Variants in ZNF236 observed in about 807,000 individuals in gnomAD.
ZNF236 encodes regulated by glucose.
Under a neutral mutation model 191.2 loss-of-function variants are expected in ZNF236, and 50 were observed. The observed-to-expected ratio is 0.26, with a 90% CI of 0.21 to 0.33. The LOEUF (loss-of-function observed/expected upper bound fraction) is 0.33. Ranked by LOEUF, ZNF236 falls within the 10% of genes least tolerant of loss-of-function variation. The pLI is 1.00. For missense variants in ZNF236, 1,754 were observed against 2,374.5 expected, an observed-to-expected ratio of 0.74 and a Z score of 5.43; for synonymous variants, 907 against 928.8, an observed-to-expected ratio of 0.98 and a Z score of 0.43.
At chr18:76,860,482 C>T (rs1237630592) in intron 3 of ZNF236, among the ~76,000 whole-genome samples, 2 of 152,224 alleles carry the variant, frequency 1.3e-5, no homozygotes, top group Admixed American at 6.5e-5. Flanking sequence ...AAAACCTTCC[C>T]TTCGTCCTGT....
At chr18:76,900,223 G>A (rs1387385743) in intron 11 of ZNF236, among the ~76,000 whole-genome samples, 1 of 151,994 alleles carries the variant, frequency 6.6e-6, no homozygotes, top group Non-Finnish European at 1.5e-5. Context: ...GTTATAAATT[G>A]GGGGCCACCA....
rs145298969 is a variant in ZNF236 at position 76,880,421 on chromosome 18, A to G, written c.1188+105A>G. The G allele has an allele frequency of 2.2e-4, 273 of 1,232,674 alleles. No individual in the cohort carries two copies. In the East Asian group the frequency reaches 5.8e-3, roughly 26 times the overall value. 76.4% of individuals were successfully genotyped at this position (1,232,674 alleles called of 1,614,324 possible). On this transcript the variant is annotated intron_variant, in intron 8 of 30. Transcript: ENST00000320610. The surrounding 1 kb of genome is among the most constrained non-coding windows in gnomAD (Gnocchi z 5.0). ...CTGCAGGGCTTGTCAAAGTCAGGGT[A>G]TCCTCATGAAAAATGTGCCTGAACC... is the stretch of plus-strand genomic sequence containing the variant.
intron 25 of ZNF236, among the ~76,000 whole-genome samples, chr18:76,934,147 G>A (rs572761340): frequency 1.8e-3 from 272 of 152,322 alleles, no homozygotes; most frequent in Non-Finnish European, 3.3e-3. Flanking sequence ...AACTCTGGCT[G>A]TTTCATCTTA....
At chr18:76,888,036 TC>T (rs1351968556) in intron 9 of ZNF236, 1 of 147,558 alleles carries the variant, frequency 6.8e-6, no homozygotes, top group African/African-American at 2.5e-5. Flanking sequence ...TTCTAGTAGG[TC>T]TGCTACTGAG....
intron 7 of ZNF236, among the ~76,000 whole-genome samples, chr18:76,878,408 TAC>T (rs1976777392): frequency 6.6e-6 from 1 of 152,236 alleles, no homozygotes; most frequent in Non-Finnish European, 1.5e-5. Context: ...TGATGATTTC[TAC>T]AGTGTTATTG....
At chr18:76,844,515 T>C (rs968819095) in intron 1 of ZNF236, among the ~76,000 whole-genome samples, 2 of 152,112 alleles carry the variant, frequency 1.3e-5, no homozygotes, top group African/African-American at 4.8e-5. Context: ...TTATTCAAAA[T>C]GTAAAAACAA....
intron 30 of ZNF236, among the ~76,000 whole-genome samples, chr18:76,966,838 G>T (rs568409181): frequency 1.3e-5 from 2 of 152,354 alleles, no homozygotes; most frequent in Admixed American, 1.3e-4. Flanking sequence ...AGGAAGGAAT[G>T]ATAATAGATG....
intron 10 of ZNF236, among the ~76,000 whole-genome samples, chr18:76,896,389 T>TCGAACACAGTAC (rs1470016350): frequency 8.5e-6 from 1 of 118,336 alleles, no homozygotes; most frequent in African/African-American, 3.3e-5. Flanking sequence ...AAACTCAGTA[T>TCGAACACAGTAC]CGAACACAGT....
chr18:76,924,230 T>C (rs1015545101), intron 21 of ZNF236, among the ~76,000 whole-genome samples: 3 of 152,208 alleles, frequency 2.0e-5, no homozygotes, highest in Non-Finnish European at 2.9e-5. Context: ...GCATCACTTA[T>C]CTTTGTGCCC....
intron 1 of ZNF236, among the ~76,000 whole-genome samples, chr18:76,829,518 G>A (rs937595168): frequency 5.3e-5 from 8 of 152,120 alleles, no homozygotes; most frequent in African/African-American, 1.7e-4. Flanking sequence ...TGTAGAGATG[G>A]GGTTTCGCCA....
Position 76,968,652 on chromosome 18 carries a change from T to A in ZNF236, c.*313T>A. 1 of 1,069,734 alleles carries A rather than the reference T, an allele frequency of 9.3e-7. No homozygotes were observed. Among genetic ancestry groups the A allele is most frequent in the Non-Finnish European group, 1.1e-6 (1 of 884,818 alleles). 66.3% of individuals were successfully genotyped at this position (1,069,734 alleles called of 1,614,324 possible). A position where few individuals can be genotyped will look rare whatever the true frequency, so the allele number is the denominator to read the frequency against. The stretch of plus-strand genomic sequence containing the variant: ...GCAATTAACTGGGTCTTACTATCAT[T>A]GTAGTGTGATTTCTTTGTATTAGCA... On this transcript the variant is annotated 3_prime_UTR_variant, in exon 31 of 31. Coordinates refer to ENST00000320610, the MANE Select transcript of ZNF236 (RefSeq NM_001306089.2).
At chr18:76,965,793 G>A (rs185701857) in intron 30 of ZNF236, among the ~76,000 whole-genome samples, 1 of 152,316 alleles carries the variant, frequency 6.6e-6, no homozygotes, top group Admixed American at 6.5e-5. Context: ...AGATGGCAGG[G>A]GGGTGAAATG....
intron 1 of ZNF236, among the ~76,000 whole-genome samples, chr18:76,845,478 A>G (rs1312754277): frequency 1.3e-5 from 2 of 152,134 alleles, no homozygotes; most frequent in Non-Finnish European, 2.9e-5. Flanking sequence ...GTGGCAGAGA[A>G]TACCTATTCT....
At chr18:76,867,223 A>G (rs1043878792) in intron 3 of ZNF236, among the ~76,000 whole-genome samples, 1 of 47,790 alleles carries the variant, frequency 2.1e-5, no homozygotes, top group Non-Finnish European at 4.2e-5. Flanking sequence ...TCAGGACTGC[A>G]GAGGTTTTTT....
chr18:76,849,201 C>T (rs1198325643), intron 1 of ZNF236: 1 of 212,236 alleles, frequency 4.7e-6, no homozygotes, highest in South Asian at 1.1e-4. Context: ...AGTAGGTTCA[C>T]ATGGTTTAAG....
intron 14 of ZNF236, among the ~76,000 whole-genome samples, chr18:76,909,861 A>C (rs570354980): frequency 5.9e-5 from 9 of 152,390 alleles, no homozygotes; most frequent in African/African-American, 2.2e-4. Flanking sequence ...GTTTTCAGAC[A>C]GACGCTAAAG....
rs761374337 is a variant in ZNF236, at chr18:76,919,607, A to T, written c.3275-169A>T. ...TTGGCTGTTTTCTTTCCATGACCTA[A>T]GTTTCTCAATAGAGGTGGGAAAATA... On this transcript the variant is annotated intron_variant, in intron 19 of 30. Coordinates refer to ENST00000320610, the MANE Select transcript of ZNF236 (RefSeq NM_001306089.2). The surrounding 1 kb of genome is among the most constrained non-coding windows in gnomAD (Gnocchi z 5.3). Among the ~76,000 whole-genome samples the T allele has an allele frequency of 6.6e-6, 1 of 151,918 alleles. No homozygotes were observed. Among genetic ancestry groups the T allele is most frequent in the Non-Finnish European group, 1.5e-5 (1 of 67,992 alleles).
At chr18:76,907,654 A>G (rs1977781670) in intron 13 of ZNF236, among the ~76,000 whole-genome samples, 1 of 149,688 alleles carries the variant, frequency 6.7e-6, no homozygotes, top group South Asian at 2.1e-4. Context: ...TATTCTTCGT[A>G]CTAGCCAGCC....
At chr18:76,879,621 C>G (rs1374566766) in intron 7 of ZNF236, among the ~76,000 whole-genome samples, 1 of 152,162 alleles carries the variant, frequency 6.6e-6, no homozygotes, top group Non-Finnish European at 1.5e-5. Context: ...AGGGGTGGGA[C>G]TGGCTCTCTC....
Sources: allele counts gnomAD v4.1 joint callset (sites outside exome capture counted in the v4.1 genomes callset), GRCh38; gene constraint gnomAD v4.1.1; non-coding constraint Gnocchi (gnomAD v3.1); transcripts MANE v1.5; gene names NCBI Gene and HGNC (gene_info 2026-07-23, HGNC 2026-07-21).